The following DCDC2C variants were observed in gnomAD, a reference collection of about 807,000 sequenced individuals.
DCDC2C encodes the protein doublecortin domain-containing protein 2C.
DCDC2C carries 44 observed loss-of-function variants against 45.0 expected under a neutral mutation model. That is an observed-to-expected ratio of 0.98 (90% CI 0.77 to 1.26). The LOEUF (loss-of-function observed/expected upper bound fraction) is 1.26. Ranked by LOEUF, DCDC2C falls within the 50% of genes most tolerant of loss-of-function variation. The pLI is 0.00. For missense variants in DCDC2C, 447 were observed against 468.9 expected (o/e 0.95, Z 0.43); for synonymous variants, 187 against 178.8 (o/e 1.05, Z -0.37).
intron 9 of DCDC2C, 49 bp downstream of exon 9, chr2:3,778,933 A>G: frequency 6.7e-7 from 1 of 1,501,080 alleles, no homozygotes; most frequent in Non-Finnish European, 9.1e-7. Flanking sequence ...AAGGCACCTG[A>G]CACTTTGAAC....
chr2:3,752,723 C>T (rs1558578248), intron 4 of DCDC2C, 40 bp from the exon 5 acceptor site: 1 of 1,548,798 alleles, frequency 6.5e-7, no homozygotes, highest in South Asian at 1.2e-5. Context: ...TGCTACTGGT[C>T]CTCAAGTCTC....
At chr2:3,801,929 C>A (rs1287238358) in intron 10 of DCDC2C, among the ~76,000 whole-genome samples, 2 of 152,252 alleles carry the variant, frequency 1.3e-5, no homozygotes, top group East Asian at 3.8e-4. Flanking sequence ...CTTGTTGACC[C>A]TTCCTGGAAG....
At chr2:3,806,066 A>C (rs1671236268) in intron 10 of DCDC2C, among the ~76,000 whole-genome samples, 1 of 151,710 alleles carries the variant, frequency 6.6e-6, no homozygotes, top group Non-Finnish European at 1.5e-5. Flanking sequence ...GACCTCCTGG[A>C]CTCAAGTGAT....
intron 10 of DCDC2C, among the ~76,000 whole-genome samples, chr2:3,805,921 C>T (rs1671224179): frequency 1.3e-5 from 2 of 152,306 alleles, no homozygotes; most frequent in Non-Finnish European, 2.9e-5. Context: ...GTCAACCAGG[C>T]TAGAGTGCGG....
At chr2:3,839,797 G>T (rs898309961) in intron 10 of DCDC2C, among the ~76,000 whole-genome samples, 1 of 152,118 alleles carries the variant, frequency 6.6e-6, no homozygotes, top group Non-Finnish European at 1.5e-5. Context: ...AAAATGTCAG[G>T]GCTGCAGAAC....
chr2:3,800,947 A>G (rs1671098441), intron 10 of DCDC2C, among the ~76,000 whole-genome samples: 1 of 152,168 alleles, frequency 6.6e-6, no homozygotes, highest in South Asian at 2.1e-4. Context: ...TCTTAGTACT[A>G]TGATGAGCAT....
intron 2 of DCDC2C, among the ~76,000 whole-genome samples, chr2:3,721,098 T>A (rs1668488353): frequency 6.6e-6 from 1 of 152,252 alleles, no homozygotes; most frequent in Non-Finnish European, 1.5e-5. Context: ...TGATGTTGCC[T>A]CTCTCATTCC....
At chr2:3,795,399 T>C (rs1670928676) in intron 10 of DCDC2C, among the ~76,000 whole-genome samples, 1 of 128,920 alleles carries the variant, frequency 7.8e-6, no homozygotes. Flanking sequence ...ATTTTGTCTT[T>C]TGTTGCCATT....
chr2:3,834,240 GTGT>G, intron 10 of DCDC2C, among the ~76,000 whole-genome samples: 1 of 152,036 alleles, frequency 6.6e-6, no homozygotes, highest in East Asian at 1.9e-4. Flanking sequence ...CTCTCTCTTG[GTGT>G]TCCACATTCT....
intron 2 of DCDC2C, among the ~76,000 whole-genome samples, chr2:3,721,355 G>A (rs6747442): frequency 0.022 from 3,292 of 152,196 alleles, 103 homozygotes; most frequent in East Asian, 0.1. Flanking sequence ...AATTCATCCT[G>A]CATGGTGCTG....
At chr2:3,806,033 G>A (rs910657985) in intron 10 of DCDC2C, among the ~76,000 whole-genome samples, 1 of 152,082 alleles carries the variant, frequency 6.6e-6, no homozygotes, top group African/African-American at 2.4e-5. Flanking sequence ...ATTAGGTCTT[G>A]CTGCATTGCC....
intron 1 of DCDC2C, among the ~76,000 whole-genome samples, chr2:3,704,802 C>G (rs2148034972): frequency 6.6e-6 from 1 of 150,778 alleles, no homozygotes; most frequent in South Asian, 2.1e-4. Flanking sequence ...TCAGGGTGAC[C>G]CCTCTCACTC....
intron 10 of DCDC2C, among the ~76,000 whole-genome samples, chr2:3,829,655 C>T (rs901620228): frequency 1.8e-4 from 27 of 152,268 alleles, no homozygotes; most frequent in African/African-American, 5.3e-4. Flanking sequence ...TTAATTCTTT[C>T]TTAATATCTT....
At position 3,742,077 on chromosome 2, in the gene DCDC2C, CA is replaced by C. The variant is rs781740036; in HGVS notation, c.545+30del. On this transcript the variant is annotated intron_variant, in intron 4 of 10. Transcript: ENST00000399143. ...AGGAGACTCTCGCCTTTAGGACAGC[CA>C]GGGGGCGGCAGCTTGTGTTTATTCT... 5.4e-6 allele frequency: 8 copies of C among 1,493,458 alleles called. No individual in the cohort carries two copies. The East Asian group carries it at 7.5e-5, about 14-fold the overall frequency. The allele number at this position is 1,493,458 out of a possible 1,614,324, so 92.5% of individuals were successfully genotyped here. A position where few individuals can be genotyped will look rare whatever the true frequency, so the allele number is the denominator to read the frequency against.
chr2:3,838,882 C>G (rs1384436813), intron 10 of DCDC2C, among the ~76,000 whole-genome samples: 2 of 152,140 alleles, frequency 1.3e-5, no homozygotes, highest in Non-Finnish European at 2.9e-5. Flanking sequence ...TATTGCTAGA[C>G]TTATTTAGGT....
At chr2:3,748,651 T>G in intron 4 of DCDC2C, among the ~76,000 whole-genome samples, 1 of 151,780 alleles carries the variant, frequency 6.6e-6, no homozygotes, top group Non-Finnish European at 1.5e-5. Context: ...ACAATCTGAG[T>G]GTTGTGGATG....
intron 10 of DCDC2C, among the ~76,000 whole-genome samples, chr2:3,804,342 T>A (rs1162358680): frequency 2.6e-5 from 4 of 152,244 alleles, no homozygotes; most frequent in Non-Finnish European, 5.9e-5. Flanking sequence ...TTGTGCCTAA[T>A]GTATTGAAGA....
intron 8 of DCDC2C, 119 bp downstream of exon 8, chr2:3,769,530 G>T: frequency 1.1e-6 from 1 of 896,986 alleles, no homozygotes; most frequent in Non-Finnish European, 1.7e-6. Flanking sequence ...AGAATGTTCT[G>T]TGTTCCTCCT....
chr2:3,841,910 A>C (rs185369626), intron 10 of DCDC2C, among the ~76,000 whole-genome samples: 78 of 151,974 alleles, frequency 5.1e-4, no homozygotes, highest in African/African-American at 1.8e-3. Context: ...CATATCATGT[A>C]TGTGTCCATT....
Sources: gnomAD v4.1 joint callset for allele counts (sites outside exome capture counted in the v4.1 genomes callset) on GRCh38, gnomAD v4.1.1 for gene constraint, MANE v1.5 for transcripts, NCBI Gene and HGNC (gene_info 2026-07-23, HGNC 2026-07-21) for gene names.